The following PRKCA variants were observed in gnomAD, a reference collection of about 807,000 sequenced individuals.
PRKCA encodes the protein protein kinase C alpha type.
In PRKCA, 27 loss-of-function variants were observed where a neutral mutation model predicts 87.0. The observed-to-expected ratio is 0.31, with a 90% CI of 0.23 to 0.43. The LOEUF is 0.43. Ranked by LOEUF, PRKCA falls within the 20% of genes least tolerant of loss-of-function variation. The pLI is 1.00. For synonymous variants in PRKCA, 329 were observed against 311.1 expected, an observed-to-expected ratio of 1.06 and a Z score of -0.61; for missense variants, 518 against 852.3, an observed-to-expected ratio of 0.61 and a Z score of 4.88.
intron 8 of PRKCA, among the ~76,000 whole-genome samples, chr17:66,726,545 C>T (rs1028979858): frequency 6.6e-6 from 1 of 152,076 alleles, no homozygotes; most frequent in East Asian, 1.9e-4. Flanking sequence ...GCGGAGCTGG[C>T]GTCCCAAGGC....
At position 66,807,867 on chromosome 17, in the gene PRKCA, G is replaced by A. The variant is rs1976068019; in HGVS notation, c.*3830G>A. 2 of 152,488 alleles carry A rather than the reference G, an allele frequency of 1.3e-5. No individual in the cohort carries two copies. The highest frequency in any genetic ancestry group is 4.8e-5 in the African/African-American group (2 of 41,576). The allele number at this position is 152,488 out of a possible 1,614,324, so 9.4% of individuals were successfully genotyped here. Reference sequence around the variant, plus strand: ...TCAGGAAGGAGCCAGAGAAGAACAGGGTTTGGGTGCATCCAGAAATATGCC... The same window carrying A: ...TCAGGAAGGAGCCAGAGAAGAACAGAGTTTGGGTGCATCCAGAAATATGCC... On this transcript the variant is annotated 3_prime_UTR_variant, in exon 17 of 17. Coordinates refer to ENST00000413366, the MANE Select transcript of PRKCA (RefSeq NM_002737.3). This position sits in a 1 kb window ranked among gnomAD's most constrained non-coding sequence, Gnocchi z 4.3.
At chr17:66,436,947 G>A (rs775195654) in intron 2 of PRKCA, among the ~76,000 whole-genome samples, 19 of 152,160 alleles carry the variant, frequency 1.2e-4, no homozygotes, top group Non-Finnish European at 1.8e-4. Context: ...TATTAAACAT[G>A]CTAGAGCCGT....
chr17:66,441,431 A>AG (rs200513813), intron 2 of PRKCA, among the ~76,000 whole-genome samples: 2,102 of 67,828 alleles, frequency 0.031, 53 homozygotes, highest in African/African-American at 0.1. Flanking sequence ...TGGATCCCTG[A>AG]GGGGGAACCT....
chr17:66,374,012 T>C (rs1909263411), intron 2 of PRKCA, among the ~76,000 whole-genome samples: 1 of 152,122 alleles, frequency 6.6e-6, no homozygotes, highest in Non-Finnish European at 1.5e-5. Context: ...AGGGCAGCTG[T>C]TCACCTGGGT....
rs143497182 is a variant in PRKCA, at chr17:66,584,096, C to T, written c.289-57259C>T. The stretch of plus-strand genomic sequence containing the variant: ...CTTTGCATTCTTCCTTCCCCCACGT[C>T]GTCCTGGCTTGGCTTCAAGCAAGTC... On this transcript the variant is annotated intron_variant, in intron 3 of 16. Transcript: ENST00000413366. 4.4e-3 allele frequency among the ~76,000 whole-genome samples: 673 copies of T among 152,288 alleles called. 7 individuals are homozygous for T. Among genetic ancestry groups the T allele is most frequent in the African/African-American group, 0.015 (610 of 41,566 alleles).
intron 3 of PRKCA, among the ~76,000 whole-genome samples, chr17:66,623,649 G>A (rs10451278): frequency 7.8e-4 from 118 of 152,224 alleles, no homozygotes; most frequent in African/African-American, 2.8e-3. Context: ...TCCCTGCTAC[G>A]TGTAGAATTT....
chr17:66,393,657 T>TGTGTGTGTGTGC (rs1239775885), intron 2 of PRKCA, among the ~76,000 whole-genome samples: 2 of 151,522 alleles, frequency 1.3e-5, no homozygotes, highest in East Asian at 2.0e-4. Context: ...TGTGTGTGTG[T>TGTGTGTGTGTGC]GTGTGTGTGC....
Position 66,786,624 on chromosome 17 carries a change from ATTGT to A in PRKCA, c.1606-239_1606-236del, listed in dbSNP as rs541912516. 2.5e-4 allele frequency among the ~76,000 whole-genome samples: 38 copies of A among 152,320 alleles called. No homozygotes were observed. The South Asian group carries it at 6.8e-3, about 27-fold the overall frequency. On this transcript the variant is annotated intron_variant, in intron 14 of 16. Transcript: ENST00000413366. ...TTACTCAAAAACACTTTCCCTAAAG[ATTGT>A]TTGGGTTGCCCAGGGCAAGATAATT...
At chr17:66,747,096 G>A (rs1974308156) in intron 13 of PRKCA, among the ~76,000 whole-genome samples, 1 of 152,270 alleles carries the variant, frequency 6.6e-6, no homozygotes, top group South Asian at 2.1e-4. Context: ...TTTAAAGACA[G>A]AGTTTCGCTC....
At chr17:66,789,174 G>C (rs1284009284) in intron 16 of PRKCA, among the ~76,000 whole-genome samples, 195 bp downstream of exon 16, 2 of 152,212 alleles carry the variant, frequency 1.3e-5, no homozygotes, top group Non-Finnish European at 2.9e-5. Context: ...CAGAGAGTAA[G>C]GACCGATAAG....
rs557360363 is a variant in PRKCA at position 66,631,637 on chromosome 17, T to G, written c.289-9718T>G. On this transcript the variant is annotated intron_variant, in intron 3 of 16. Coordinates refer to ENST00000413366, the MANE Select transcript of PRKCA (RefSeq NM_002737.3). ...TTAAACCATCAGAGGTTTTTGAAAT[T>G]TAAAAGTTGTGCAGGGTGACTATAA... 5.3e-4 allele frequency among the ~76,000 whole-genome samples: 80 copies of G among 152,260 alleles called. 1 individual carries two copies. Among genetic ancestry groups the G allele is most frequent in the Non-Finnish European group, 3.1e-4 (21 of 68,022 alleles).
intron 3 of PRKCA, among the ~76,000 whole-genome samples, chr17:66,566,484 T>TG (rs1968898976): frequency 2.1e-5 from 3 of 145,230 alleles, no homozygotes; most frequent in African/African-American, 7.9e-5. Context: ...TTTTTGGTTT[T>TG]TTTTTTTTTT....
At chr17:66,761,915 A>G (rs764915936) in intron 13 of PRKCA, among the ~76,000 whole-genome samples, 26 of 152,104 alleles carry the variant, frequency 1.7e-4, no homozygotes, top group Non-Finnish European at 3.5e-4. Context: ...AGTCAGCCAT[A>G]CTCAGTGGGA....
At chr17:66,473,320 A>G (rs1231349291) in intron 2 of PRKCA, among the ~76,000 whole-genome samples, 1 of 152,144 alleles carries the variant, frequency 6.6e-6, no homozygotes, top group Non-Finnish European at 1.5e-5. Flanking sequence ...CTTCACATGC[A>G]TGTGGATTGC....
intron 2 of PRKCA, among the ~76,000 whole-genome samples, chr17:66,378,829 A>G (rs987403477): frequency 6.6e-6 from 1 of 151,370 alleles, no homozygotes; most frequent in Non-Finnish European, 1.5e-5. Flanking sequence ...TGAACTCAGG[A>G]GGCAGAGGTT....
At chr17:66,343,957 C>T (rs1031485284) in intron 2 of PRKCA, among the ~76,000 whole-genome samples, 1 of 151,924 alleles carries the variant, frequency 6.6e-6, no homozygotes, top group Non-Finnish European at 1.5e-5. Context: ...GTGTCTTGGG[C>T]CCCATCCCTC....
chr17:66,679,256 C>G (rs1021158903), intron 5 of PRKCA, among the ~76,000 whole-genome samples: 1 of 148,686 alleles, frequency 6.7e-6, no homozygotes, highest in Admixed American at 6.8e-5. Context: ...TCTGGGCTCA[C>G]TGCAAGCTCT....
intron 3 of PRKCA, among the ~76,000 whole-genome samples, chr17:66,556,121 T>G (rs1968487231): frequency 1.3e-5 from 2 of 152,082 alleles, no homozygotes; most frequent in African/African-American, 4.8e-5. Context: ...GAGCTGCACC[T>G]TTGAGCATCG....
chr17:66,351,401 T>G (rs946194045), intron 2 of PRKCA, among the ~76,000 whole-genome samples: 1 of 152,196 alleles, frequency 6.6e-6, no homozygotes, highest in Non-Finnish European at 1.5e-5. Flanking sequence ...TGGTATGTGT[T>G]TTAGTCTGTG....
Sources: gnomAD v4.1 joint callset for allele counts (sites outside exome capture counted in the v4.1 genomes callset) on GRCh38, gnomAD v4.1.1 for gene constraint, Gnocchi (gnomAD v3.1) non-coding constraint, MANE v1.5 for transcripts, NCBI Gene and HGNC (gene_info 2026-07-23, HGNC 2026-07-21) for gene names.